CFAP20DC: variants seen among roughly 807,000 people sequenced by gnomAD.
CFAP20DC encodes protein CFAP20DC.
A neutral mutation model predicts 101.7 loss-of-function variants in CFAP20DC; 84 were observed. That is an observed-to-expected ratio of 0.83 (90% CI 0.69 to 0.99). The LOEUF (loss-of-function observed/expected upper bound fraction) is 0.99. Ranked by LOEUF, CFAP20DC falls within the 50% of genes least tolerant of loss-of-function variation. CFAP20DC has a pLI of 0.00. For synonymous variants in CFAP20DC, 359 were observed against 351.2 expected (o/e 1.02, Z -0.25); for missense variants, 1,007 against 970.3 (o/e 1.04, Z -0.50).
At chr3:58,768,197 AACT>A (rs1575593245) in intron 15 of CFAP20DC, among the ~76,000 whole-genome samples, 1 of 152,136 alleles carries the variant, frequency 6.6e-6, no homozygotes, top group East Asian at 1.9e-4. Context: ...GAACTTCTCA[AACT>A]GGATCTGAAA....
chr3:58,856,418 G>C (rs2078831827), intron 12 of CFAP20DC, among the ~76,000 whole-genome samples: 1 of 152,150 alleles, frequency 6.6e-6, no homozygotes, highest in Non-Finnish European at 1.5e-5. Context: ...TGTGGCCCAA[G>C]TGAAAAAATA....
chr3:58,849,595 C>G (rs1325076152), intron 12 of CFAP20DC, among the ~76,000 whole-genome samples, 186 bp from the exon 13 acceptor site: 1 of 152,032 alleles, frequency 6.6e-6, no homozygotes, highest in Non-Finnish European at 1.5e-5. Flanking sequence ...CAGTTATAAG[C>G]CATTTGCTAA....
intron 4 of CFAP20DC, among the ~76,000 whole-genome samples, chr3:58,946,654 A>C (rs538097001): frequency 6.6e-6 from 1 of 152,270 alleles, no homozygotes; most frequent in Non-Finnish European, 1.5e-5. Flanking sequence ...ATGAAGAAAA[A>C]TGTGCAGGAC....
chr3:58,951,924 A>G (rs866290963), intron 4 of CFAP20DC, among the ~76,000 whole-genome samples: 3 of 152,202 alleles, frequency 2.0e-5, no homozygotes, highest in Admixed American at 2.0e-4. Context: ...AAAAAGGGTT[A>G]CTAGAATTTG....
At chr3:58,995,283 C>A (rs1004098024) in intron 4 of CFAP20DC, among the ~76,000 whole-genome samples, 1 of 151,882 alleles carries the variant, frequency 6.6e-6, no homozygotes, top group African/African-American at 2.4e-5. Context: ...AGAGGACTCT[C>A]CTGCAACTGA....
chr3:58,836,857 A>G (rs889942371), intron 13 of CFAP20DC, among the ~76,000 whole-genome samples: 9 of 152,284 alleles, frequency 5.9e-5, no homozygotes, highest in African/African-American at 2.2e-4. Context: ...ACAACATAAG[A>G]GAAGGGAGAT....
chr3:58,952,373 CT>C (rs1396604441), intron 4 of CFAP20DC, among the ~76,000 whole-genome samples: 1 of 152,148 alleles, frequency 6.6e-6, no homozygotes, highest in Non-Finnish European at 1.5e-5. Flanking sequence ...TGAATTCTCC[CT>C]TTTTCCAGTC....
chr3:58,718,287 G>GT (rs1420156789), intron 3 of CFAP20DC, among the ~76,000 whole-genome samples: 1 of 152,180 alleles, frequency 6.6e-6, no homozygotes, highest in African/African-American at 2.4e-5. Flanking sequence ...TCTCATTTCA[G>GT]TTTAAGTATC....
chr3:58,733,811 T>C (rs1367975584), intron 3 of CFAP20DC, among the ~76,000 whole-genome samples: 1 of 152,236 alleles, frequency 6.6e-6, no homozygotes, highest in African/African-American at 2.4e-5. Flanking sequence ...TCTCAGGAAA[T>C]TGTTAGTTTT....
chr3:58,800,489 AAAG>A (rs2073608992), intron 15 of CFAP20DC, among the ~76,000 whole-genome samples: 1 of 152,160 alleles, frequency 6.6e-6, no homozygotes, highest in Non-Finnish European at 1.5e-5. Flanking sequence ...AAGAGTGAAG[AAAG>A]AATAGATTTG....
At chr3:59,038,419 T>C (rs1322011292) in intron 4 of CFAP20DC, among the ~76,000 whole-genome samples, 5 of 152,148 alleles carry the variant, frequency 3.3e-5, no homozygotes, top group Non-Finnish European at 1.5e-5. Flanking sequence ...CAGAACTACC[T>C]AGATGGAATG....
chr3:58,765,757 A>G (rs904465010), intron 15 of CFAP20DC, among the ~76,000 whole-genome samples: 1 of 152,148 alleles, frequency 6.6e-6, no homozygotes, highest in Non-Finnish European at 1.5e-5. Flanking sequence ...ATTTGCAGCA[A>G]TGTCTATCCA....
At chr3:58,962,707 G>A (rs2091239698) in intron 4 of CFAP20DC, among the ~76,000 whole-genome samples, 1 of 152,102 alleles carries the variant, frequency 6.6e-6, no homozygotes, top group African/African-American at 2.4e-5. Context: ...CCGTGAACGA[G>A]CCTGGCCCAG....
At chr3:58,879,328 A>G (rs1024406225) in intron 7 of CFAP20DC, among the ~76,000 whole-genome samples, 2 of 152,190 alleles carry the variant, frequency 1.3e-5, no homozygotes, top group African/African-American at 2.4e-5. Context: ...TTATGTGTCA[A>G]TCATAAAAAG....
intron 4 of CFAP20DC, among the ~76,000 whole-genome samples, chr3:58,950,373 C>T (rs2089958346): frequency 6.6e-6 from 1 of 152,162 alleles, no homozygotes; most frequent in African/African-American, 2.4e-5. Context: ...CCCCATCAAG[C>T]TACCAATGAC....
At chr3:58,890,476 C>G (rs1179655370) in intron 6 of CFAP20DC, among the ~76,000 whole-genome samples, 6 of 143,708 alleles carry the variant, frequency 4.2e-5, no homozygotes, top group Non-Finnish European at 7.6e-5. Context: ...GGCGGCTGGT[C>G]GGGCAGAGGG....
intron 4 of CFAP20DC, among the ~76,000 whole-genome samples, chr3:58,983,438 G>A (rs1442601376): frequency 2.6e-5 from 4 of 151,922 alleles, no homozygotes; most frequent in South Asian, 2.1e-4. Context: ...TTTAAAGCAC[G>A]AAAACCATAC....
intron 5 of CFAP20DC, among the ~76,000 whole-genome samples, chr3:58,937,278 C>A (rs2087833644): frequency 6.6e-6 from 1 of 152,184 alleles, no homozygotes; most frequent in Non-Finnish European, 1.5e-5. Flanking sequence ...TGCTGGAATG[C>A]CTGGCTTCCT....
At chr3:58,946,849 TG>T (rs2089437318) in intron 4 of CFAP20DC, among the ~76,000 whole-genome samples, 1 of 152,194 alleles carries the variant, frequency 6.6e-6, no homozygotes. Flanking sequence ...GGATGGGACA[TG>T]GAAGAGCAAC....
Sources: gnomAD v4.1 joint callset for allele counts (sites outside exome capture counted in the v4.1 genomes callset) on GRCh38, gnomAD v4.1.1 for gene constraint, MANE v1.5 for transcripts, NCBI Gene and HGNC (gene_info 2026-07-23, HGNC 2026-07-21) for gene names.